LGR5: variants seen among roughly 807,000 people sequenced by gnomAD.
The protein encoded by LGR5 is leucine rich repeat containing G protein-coupled receptor 5.
Under a neutral mutation model 76.7 loss-of-function variants are expected in LGR5, and 54 were observed. The ratio of observed to expected loss-of-function variants is 0.70; its 90% CI spans 0.57 to 0.88. The LOEUF is 0.88. Ranked by LOEUF, LGR5 falls within the 40% of genes least tolerant of loss-of-function variation. The probability of loss-of-function intolerance (pLI) is 0.00; values close to 1 mark genes in which losing one functional copy is unlikely to be tolerated. For synonymous variants in LGR5, 406 were observed against 421.9 expected (o/e 0.96, Z 0.46); for missense variants, 1,078 against 1,073.3 (o/e 1.00, Z -0.06).
intron 2 of LGR5, among the ~76,000 whole-genome samples, chr12:71,518,477 G>A (rs1371690365): frequency 3.9e-5 from 6 of 152,124 alleles, no homozygotes; most frequent in Admixed American, 6.6e-5. Context: ...ACTACCATTC[G>A]ACCCAGCAAT....
At chr12:71,484,907 TC>T (rs1231147060) in intron 1 of LGR5, among the ~76,000 whole-genome samples, 3 of 152,168 alleles carry the variant, frequency 2.0e-5, no homozygotes, top group African/African-American at 7.2e-5. Flanking sequence ...TCTTCGAAGT[TC>T]CCACTAAAAA....
intron 1 of LGR5, among the ~76,000 whole-genome samples, chr12:71,459,502 C>G (rs1430610765): frequency 6.6e-6 from 1 of 152,096 alleles, no homozygotes; most frequent in Non-Finnish European, 1.5e-5. Context: ...TCATGGTAAA[C>G]TCTCCCAATT....
At chr12:71,569,478 A>G (rs1429931023) in intron 11 of LGR5, among the ~76,000 whole-genome samples, 1 of 150,890 alleles carries the variant, frequency 6.6e-6, no homozygotes, top group Non-Finnish European at 1.5e-5. Context: ...AAACAACCCC[A>G]TTAAAACGTG....
At chr12:71,459,078 T>C (rs1001538962) in intron 1 of LGR5, among the ~76,000 whole-genome samples, 1 of 151,996 alleles carries the variant, frequency 6.6e-6, no homozygotes, top group African/African-American at 2.4e-5. Context: ...ACTTCTAATA[T>C]ATAGCATGAC....
At chr12:71,499,743 G>A (rs1309259300) in intron 1 of LGR5, among the ~76,000 whole-genome samples, 1 of 152,088 alleles carries the variant, frequency 6.6e-6, no homozygotes, top group Non-Finnish European at 1.5e-5. Flanking sequence ...AGGAGGAAGA[G>A]GGTATTTTCT....
intron 1 of LGR5, among the ~76,000 whole-genome samples, chr12:71,445,460 A>T (rs1385243700): frequency 1.3e-5 from 2 of 152,216 alleles, no homozygotes; most frequent in Non-Finnish European, 2.9e-5. Context: ...GTCAGCTTTA[A>T]TCCACACTTT....
chr12:71,515,522 G>T lies in LGR5; in HGVS notation c.285-8884G>T, dbSNP rs1016435868. Among the ~76,000 whole-genome samples, 8 of 152,242 alleles carry T rather than the reference G, an allele frequency of 5.3e-5. No homozygotes were observed. In the East Asian group the frequency reaches 7.7e-4, roughly 15 times the overall value. ...CAACTCCAAAGAGTGGGAAAATTCA[G>T]AAATAGTCACAGAACTGCTGAAATC... On this transcript the variant is annotated intron_variant, in intron 2 of 17. Coordinates refer to ENST00000266674, the MANE Select transcript of LGR5 (RefSeq NM_003667.4).
At chr12:71,460,687 G>A (rs1187826811) in intron 1 of LGR5, among the ~76,000 whole-genome samples, 1 of 152,034 alleles carries the variant, frequency 6.6e-6, no homozygotes, top group Non-Finnish European at 1.5e-5. Flanking sequence ...GTGGAAAAGT[G>A]GAGGCAGAAT....
In LGR5 at chr12:71,585,472, G is replaced by A. The variant is rs1879282520; in HGVS notation, c.*738G>A. On this transcript the variant is annotated 3_prime_UTR_variant, in exon 18 of 18. Coordinates refer to ENST00000266674, the MANE Select transcript of LGR5 (RefSeq NM_003667.4). Reference sequence around the variant, plus strand: ...AGGCAATCATGCACAGGTGACGTATGTCTTATCTGATTTGTTTTTAACTCC... The same window carrying A: ...AGGCAATCATGCACAGGTGACGTATATCTTATCTGATTTGTTTTTAACTCC... The A allele has an allele frequency of 6.6e-6, 1 of 152,180 alleles. No homozygotes were observed. Among genetic ancestry groups the A allele is most frequent in the South Asian group, 2.1e-4 (1 of 4,832 alleles). The allele number at this position is 152,180 out of a possible 1,614,324, so 9.4% of individuals were successfully genotyped here.
Position 71,553,159 on chromosome 12 carries a change from A to G in LGR5, c.515A>G (p.Asn172Ser), listed in dbSNP as rs1877577614. 1 of 1,613,904 alleles carries G rather than the reference A, an allele frequency of 6.2e-7. No individual in the cohort carries two copies. Among genetic ancestry groups the G allele is most frequent in the Admixed American group, 1.7e-5 (1 of 59,976 alleles). The change falls in exon 5 of 18, where the codon AAT becomes AGT. Residue 172 changes from asparagine (N) to serine (S), a missense_variant. Coordinates refer to ENST00000266674, the MANE Select transcript of LGR5 (RefSeq NM_003667.4). Reference protein sequence around the residue: ...HSLRHLWLDDNALTEIPVQAF... With the variant: ...HSLRHLWLDDSALTEIPVQAF... The stretch of plus-strand genomic sequence containing the variant: ...CTGAGGCACCTGTGGCTGGATGACA[A>G]TGCGTTAACAGAAATCCCCGTCCAG...
chr12:71,577,250 A>G (rs1878897443), intron 13 of LGR5, among the ~76,000 whole-genome samples: 1 of 152,202 alleles, frequency 6.6e-6, no homozygotes, highest in African/African-American at 2.4e-5. Flanking sequence ...TTCCTGATAA[A>G]TTATCTACAG....
At chr12:71,483,188 A>G (rs1873685158) in intron 1 of LGR5, among the ~76,000 whole-genome samples, 1 of 152,222 alleles carries the variant, frequency 6.6e-6, no homozygotes, top group Admixed American at 6.5e-5. Flanking sequence ...GAGGCGAAGA[A>G]GTCCACTAAG....
chr12:71,439,635 C>G (rs1433329176), upstream of LGR5: 1 of 179,034 alleles, frequency 5.6e-6, no homozygotes, highest in Non-Finnish European at 1.2e-5. Context: ...CTGCCTGCTG[C>G]CTGCTGCCTC....
chr12:71,519,639 AAAAAAC>A (rs1875628399), intron 2 of LGR5, among the ~76,000 whole-genome samples: 1 of 124,488 alleles, frequency 8.0e-6, no homozygotes, highest in South Asian at 2.6e-4. Context: ...TCTCTACCAA[AAAAAAC>A]AAAAAACAAA....
intron 13 of LGR5, 96 bp from the exon 14 acceptor site, chr12:71,577,829 A>G: frequency 1.3e-6 from 1 of 789,942 alleles, no homozygotes; most frequent in Non-Finnish European, 2.2e-6. Flanking sequence ...CTGAATGGAA[A>G]TTAAATTAAT....
chr12:71,496,697 G>C (rs1220238902), intron 1 of LGR5, among the ~76,000 whole-genome samples: 1 of 152,180 alleles, frequency 6.6e-6, no homozygotes, highest in Non-Finnish European at 1.5e-5. Context: ...TCCATCAACA[G>C]TTGAGTGGGT....
At chr12:71,572,961 T>C (rs1378767246) in intron 13 of LGR5, 40 bp downstream of exon 13, 2 of 1,482,168 alleles carry the variant, frequency 1.3e-6, no homozygotes, top group South Asian at 2.3e-5. Context: ...GCACAGAGCA[T>C]TTTCTTTCTC....
At chr12:71,520,729 C>T (rs370616578) in intron 2 of LGR5, among the ~76,000 whole-genome samples, 1 of 58,998 alleles carries the variant, frequency 1.7e-5, no homozygotes, top group Non-Finnish European at 3.4e-5. Context: ...GAATGGGGGA[C>T]GGGGGGAGGG....
At chr12:71,477,612 A>G (rs1873397076) in intron 1 of LGR5, among the ~76,000 whole-genome samples, 1 of 152,046 alleles carries the variant, frequency 6.6e-6, no homozygotes, top group Non-Finnish European at 1.5e-5. Context: ...CAGATTTAAA[A>G]CTACACCCTT....
Sources: gnomAD v4.1 joint callset for allele counts (sites outside exome capture counted in the v4.1 genomes callset) on GRCh38, gnomAD v4.1.1 for gene constraint, MANE v1.5 for transcripts, NCBI Gene and HGNC (gene_info 2026-07-23, HGNC 2026-07-21) for gene names.